HBP1: variants seen among roughly 807,000 people sequenced by gnomAD.
The protein encoded by HBP1 is HMG-box transcription factor 1.
In HBP1, 20 loss-of-function variants were observed where a neutral mutation model predicts 62.6. That is an observed-to-expected ratio of 0.32 (90% CI 0.22 to 0.46). The LOEUF is 0.46. HBP1 is among the 20% of genes least tolerant of loss of function. HBP1 has a pLI of 1.00. For synonymous variants in HBP1, 232 were observed against 206.2 expected (o/e 1.12, Z -1.07); for missense variants, 480 against 611.8 (o/e 0.78, Z 2.27).
intron 1 of HBP1, 104 bp downstream of exon 1, chr7:107,169,289 T>G: frequency 5.5e-6 from 3 of 543,828 alleles, no homozygotes; most frequent in Non-Finnish European, 7.5e-6. Flanking sequence ...TTCCTTCTTC[T>G]CGGAGGGTTG....
chr7:107,169,127 CTGG>C lies in HBP1; in HGVS notation c.-68_-66del, dbSNP rs1391713390. On this transcript the variant is annotated 5_prime_UTR_variant, in exon 1 of 11. Coordinates refer to ENST00000222574, the MANE Select transcript of HBP1 (RefSeq NM_012257.4). ...GGTCGGAGAGGGGGTACGAGAGCTG[CTGG>C]TGGTGTTGTCGTGGCCGGAGCGGCC... 8.0e-7 allele frequency: 1 copy of C among 1,248,154 alleles called. No individual in the cohort carries two copies. Among genetic ancestry groups the C allele is most frequent in the Admixed American group, 2.5e-5 (1 of 39,426 alleles). 77.3% of individuals were successfully genotyped at this position (1,248,154 alleles called of 1,614,324 possible).
chr7:107,185,796 T>C lies in HBP1; in HGVS notation c.399-5T>C. On this transcript the variant is annotated splice_region_variant and splice_polypyrimidine_tract_variant and intron_variant, in intron 3 of 10. Coordinates refer to ENST00000222574, the MANE Select transcript of HBP1 (RefSeq NM_012257.4). ...CTTATGGTTGAAACTGTTGCTTTAT[T>C]TTAGATCATCTCCTGTACACATCAT... 6.2e-7 allele frequency: 1 copy of C among 1,610,382 alleles called. No homozygotes were observed. Among genetic ancestry groups the C allele is most frequent in the Non-Finnish European group, 8.5e-7 (1 of 1,177,182 alleles).
chr7:107,190,361 T>A lies in HBP1; in HGVS notation c.1067+44T>A, dbSNP rs1210398409. 2.1e-6 allele frequency: 3 copies of A among 1,411,390 alleles called. No homozygotes were observed. In the African/African-American group the frequency reaches 4.3e-5, roughly 20 times the overall value. The allele number at this position is 1,411,390 out of a possible 1,614,324, so 87.4% of individuals were successfully genotyped here. ...TTTGTTTTATTTTCCTCTTAAAGTT[T>A]GCCCTTCATTTCCCTAATGATGGTT... On this transcript the variant is annotated intron_variant, in intron 8 of 10. Coordinates refer to ENST00000222574, the MANE Select transcript of HBP1 (RefSeq NM_012257.4).
chr7:107,195,785 G>C, intron 8 of HBP1, 49 bp from the exon 9 acceptor site: 3 of 824,032 alleles, frequency 3.6e-6, no homozygotes, highest in Non-Finnish European at 5.1e-6. Context: ...TTAGAAATCA[G>C]AGAATTCAAA....
At chr7:107,181,228 A>G (rs1208753987) in intron 2 of HBP1, among the ~76,000 whole-genome samples, 1 of 152,176 alleles carries the variant, frequency 6.6e-6, no homozygotes, top group Admixed American at 6.5e-5. Flanking sequence ...CACGCTAGTA[A>G]TCGCAGCACT....
chr7:107,202,521 T>TATC (rs958874260), exon 11 of HBP1: 7 of 152,376 alleles, frequency 4.6e-5, no homozygotes, highest in Non-Finnish European at 7.4e-5. Flanking sequence ...AAAAGTTGCT[T>TATC]ATCTCTGACG....
intron 10 of HBP1, chr7:107,200,632 G>T (rs1798199980): frequency 5.8e-6 from 1 of 173,466 alleles, no homozygotes; most frequent in African/African-American, 2.4e-5. Context: ...TATCACAGTA[G>T]AAAATTTCTC....
rs979187673 is a variant in HBP1 at position 107,202,480 on chromosome 7, T to G, written c.*1049T>G. On this transcript the variant is annotated 3_prime_UTR_variant, in exon 11 of 11. Transcript: ENST00000222574. ...TTGCCCCTAAATTTTGCACACTATA[T>G]TCTTGTATATTATTTCAAATAAATG... 6.6e-6 allele frequency: 1 copy of G among 152,574 alleles called. No homozygotes were observed. Among genetic ancestry groups the G allele is most frequent in the Non-Finnish European group, 1.5e-5 (1 of 68,028 alleles). 9.5% of individuals were successfully genotyped at this position (152,574 alleles called of 1,614,324 possible).
intron 2 of HBP1, among the ~76,000 whole-genome samples, chr7:107,181,047 AATAGCTAT>A (rs1797079970): frequency 6.6e-6 from 1 of 152,234 alleles, no homozygotes; most frequent in Non-Finnish European, 1.5e-5. Flanking sequence ...AGGGAAAGGA[AATAGCTAT>A]ATCAGCATGA....
At chr7:107,174,043 C>T (rs1286147447) in intron 1 of HBP1, among the ~76,000 whole-genome samples, 2 of 152,290 alleles carry the variant, frequency 1.3e-5, no homozygotes, top group African/African-American at 4.8e-5. Flanking sequence ...ACCTTGCTTT[C>T]TTTCTTCAGA....
chr7:107,195,463 T>TATTGTC (rs1253429514), intron 8 of HBP1, among the ~76,000 whole-genome samples: 1 of 152,220 alleles, frequency 6.6e-6, no homozygotes, highest in East Asian at 1.9e-4. Context: ...CAAGAAACCA[T>TATTGTC]ATTGTCACAT....
intron 3 of HBP1, among the ~76,000 whole-genome samples, chr7:107,184,533 C>T (rs544817981): frequency 3.3e-5 from 5 of 152,212 alleles, no homozygotes; most frequent in South Asian, 2.1e-4. Flanking sequence ...TTTTTTGAGA[C>T]GGAGTCTTGC....
chr7:107,177,300 C>A lies in HBP1; in HGVS notation c.-15-2579C>A, dbSNP rs1299450701. 5.3e-5 allele frequency among the ~76,000 whole-genome samples: 8 copies of A among 152,336 alleles called. No homozygotes were observed. In the East Asian group the frequency reaches 1.3e-3, roughly 26 times the overall value. ...GTTGGAATCAAAACCCGTTTCCTTA[C>A]ATCTAACCCAGTGCCCTTTTTGCTA... On this transcript the variant is annotated intron_variant, in intron 1 of 10. Transcript: ENST00000222574.
At chr7:107,181,755 A>T (rs1002628659) in intron 2 of HBP1, among the ~76,000 whole-genome samples, 9 of 151,130 alleles carry the variant, frequency 6.0e-5, no homozygotes, top group Admixed American at 2.6e-4. Context: ...TATATATATA[A>T]TTTTTTTTAA....
rs1455792620 is a variant in HBP1 at position 107,182,601 on chromosome 7, G to C, written c.398G>C (p.Arg133Thr). The change falls in exon 3 of 11, where the codon AGA (arginine) becomes ACA (threonine). Residue 133 changes from arginine (R) to threonine (T), a missense_variant and splice_region_variant. Around this residue, in one of 4 missense-constraint regions of HBP1, gnomAD observed 304 missense variants for 330.9 expected, o/e 0.92. Transcript: ENST00000222574. ...SPLMQCSFYN[R>T]SSPVHIIATS... is the part of the protein sequence containing the mutation. ...CTGATGCAGTGCTCATTTTACAATA[G>C]GTAGGAGCATTTATTATATTTTTAT... The C allele has an allele frequency of 6.8e-7, 1 of 1,470,904 alleles. No individual in the cohort carries two copies. Among genetic ancestry groups the C allele is most frequent in the East Asian group, 2.3e-5 (1 of 44,190 alleles). 91.1% of individuals were successfully genotyped at this position (1,470,904 alleles called of 1,614,324 possible).
In HBP1 at chr7:107,169,096, G is replaced by A. The variant is rs1176832440; in HGVS notation, c.-105G>A. The A allele has an allele frequency of 4.3e-5, 55 of 1,283,818 alleles. No individual in the cohort carries two copies. The highest frequency in any genetic ancestry group is 5.5e-5 in the Non-Finnish European group (54 of 985,630). 79.5% of individuals were successfully genotyped at this position (1,283,818 alleles called of 1,614,324 possible). The stretch of plus-strand genomic sequence containing the variant: ...AGCAGTAACCCGCGCGGGGGAGGCC[G>A]ACGTCGGTCGGAGAGGGGGTACGAG... On this transcript the variant is annotated 5_prime_UTR_variant, in exon 1 of 11. Transcript: ENST00000222574.
intron 4 of HBP1, among the ~76,000 whole-genome samples, 168 bp from the exon 5 acceptor site, chr7:107,186,193 C>T (rs1407598137): frequency 1.5e-5 from 2 of 135,386 alleles, no homozygotes; most frequent in African/African-American, 2.8e-5. Flanking sequence ...AGCAAATTCT[C>T]CCACAGCCTG....
chr7:107,184,227 T>C (rs1360318783), intron 3 of HBP1, among the ~76,000 whole-genome samples: 1 of 152,206 alleles, frequency 6.6e-6, no homozygotes, highest in African/African-American at 2.4e-5. Flanking sequence ...ATACTTCATA[T>C]ATATCTAAAT....
At chr7:107,184,537 G>C (rs1468921778) in intron 3 of HBP1, among the ~76,000 whole-genome samples, 1 of 152,164 alleles carries the variant, frequency 6.6e-6, no homozygotes, top group Non-Finnish European at 1.5e-5. Context: ...TTGAGACGGA[G>C]TCTTGCTCTG....
Sources: gnomAD v4.1 joint callset for allele counts (sites outside exome capture counted in the v4.1 genomes callset) on GRCh38, gnomAD v4.1.1 for gene constraint, gnomAD v4.1.1 regional missense constraint, MANE v1.5 for transcripts, NCBI Gene and HGNC (gene_info 2026-07-23, HGNC 2026-07-21) for gene names.